Variants in PLEKHA5 observed in about 807,000 individuals in gnomAD.
PLEKHA5 encodes the protein pleckstrin homology domain containing A5.
Under a neutral mutation model 181.9 loss-of-function variants are expected in PLEKHA5, and 55 were observed. The observed-to-expected ratio is 0.30, with a 90% CI of 0.24 to 0.38. PLEKHA5 has a LOEUF of 0.38. PLEKHA5 is among the 10% of genes least tolerant of loss of function. The probability of loss-of-function intolerance (pLI) is 1.00; values close to 1 mark genes in which losing one functional copy is unlikely to be tolerated. For synonymous variants in PLEKHA5, 535 were observed against 529.4 expected (o/e 1.01, Z -0.15); for missense variants, 1,432 against 1,549.5 (o/e 0.92, Z 1.27).
intron 17 of PLEKHA5, 175 bp from the exon 18 acceptor site, chr12:19,320,387 G>C: frequency 2.2e-6 from 1 of 450,270 alleles, no homozygotes; most frequent in Non-Finnish European, 3.9e-6. Context: ...TCACTGTTAA[G>C]TATTTTCTAC....
chr12:19,365,903 AAAG>A, intron 29 of PLEKHA5, 58 bp from the exon 30 acceptor site: 7 of 1,223,588 alleles, frequency 5.7e-6, no homozygotes, highest in South Asian at 1.5e-5. Context: ...ATAACAAAAA[AAAG>A]AAAAATTAAT....
chr12:19,243,931 C>T (rs1460825249), intron 3 of PLEKHA5, among the ~76,000 whole-genome samples: 3 of 152,058 alleles, frequency 2.0e-5, no homozygotes, highest in Admixed American at 6.6e-5. Context: ...TCTATGCCAG[C>T]GTATTTTCAG....
intron 28 of PLEKHA5, 81 bp from the exon 29 acceptor site, chr12:19,361,501 T>G: frequency 1.3e-6 from 1 of 780,090 alleles, no homozygotes; most frequent in African/African-American, 1.8e-5. Context: ...TCAATAAACT[T>G]TATTTTGGAA....
chr12:19,221,466 G>C (rs1217586415), intron 3 of PLEKHA5, among the ~76,000 whole-genome samples: 1 of 152,168 alleles, frequency 6.6e-6, no homozygotes, highest in Non-Finnish European at 1.5e-5. Context: ...AAGACCAGGG[G>C]TTTAGGGGGT....
intron 2 of PLEKHA5, 105 bp from the exon 3 acceptor site, chr12:19,132,288 A>G: frequency 1.5e-6 from 1 of 683,090 alleles, no homozygotes; most frequent in Non-Finnish European, 2.6e-6. Flanking sequence ...TTAGTAATCT[A>G]CTTAATTAAA....
chr12:19,226,922 G>C (rs1419378326), intron 3 of PLEKHA5, among the ~76,000 whole-genome samples: 1 of 150,096 alleles, frequency 6.7e-6, no homozygotes, highest in Non-Finnish European at 1.5e-5. Context: ...ATTTAGAATT[G>C]GAGAATCTTT....
chr12:19,187,193 C>G (rs2050070057), intron 3 of PLEKHA5, among the ~76,000 whole-genome samples: 1 of 152,156 alleles, frequency 6.6e-6, no homozygotes, highest in African/African-American at 2.4e-5. Context: ...CTAGATCTGA[C>G]TTTTTGCACT....
intron 3 of PLEKHA5, among the ~76,000 whole-genome samples, chr12:19,172,939 T>C (rs1038499926): frequency 2.0e-5 from 3 of 148,102 alleles, no homozygotes; most frequent in African/African-American, 7.4e-5. Flanking sequence ...GTTTTGCATC[T>C]GAGCAATAGA....
intron 3 of PLEKHA5, among the ~76,000 whole-genome samples, chr12:19,253,516 G>A (rs1441346352): frequency 2.0e-5 from 3 of 151,960 alleles, no homozygotes; most frequent in Non-Finnish European, 4.4e-5. Flanking sequence ...GATATATTTA[G>A]GAATCTCAAA....
chr12:19,251,406 CAAAAA>C (rs35113109), intron 3 of PLEKHA5, among the ~76,000 whole-genome samples: 1 of 124,758 alleles, frequency 8.0e-6, no homozygotes, highest in Admixed American at 8.0e-5. Flanking sequence ...AACTCTGTCT[CAAAAA>C]AAAAAAAAAA....
intron 3 of PLEKHA5, chr12:19,154,720 A>G (rs1312960268): frequency 6.6e-6 from 1 of 152,224 alleles, no homozygotes; most frequent in Non-Finnish European, 1.5e-5. Context: ...TTTTAGATTT[A>G]AAAACTGGAA....
intron 3 of PLEKHA5, among the ~76,000 whole-genome samples, chr12:19,190,180 G>C (rs1443874220): frequency 6.6e-6 from 1 of 152,048 alleles, no homozygotes; most frequent in Non-Finnish European, 1.5e-5. Context: ...TTGTTAAAAA[G>C]TTTTAGGAAA....
chr12:19,340,945 T>TAAAAA (rs58915493), intron 21 of PLEKHA5, among the ~76,000 whole-genome samples: 25 of 62,398 alleles, frequency 4.0e-4, no homozygotes, highest in Admixed American at 8.6e-4. Flanking sequence ...GAATGATCAA[T>TAAAAA]AAAAAAAAAA....
intron 22 of PLEKHA5, among the ~76,000 whole-genome samples, chr12:19,344,254 A>G (rs1450803988): frequency 4.6e-5 from 7 of 152,156 alleles, no homozygotes; most frequent in Non-Finnish European, 1.0e-4. Context: ...GCACAGGTTT[A>G]TAAAGTAAAA....
intron 3 of PLEKHA5, among the ~76,000 whole-genome samples, chr12:19,239,845 G>T (rs147647470): frequency 1.2e-4 from 18 of 152,208 alleles, no homozygotes; most frequent in Non-Finnish European, 2.2e-4. Context: ...TTCTAAGCAA[G>T]ATCAATCCCT....
At chr12:19,304,171 C>T (rs1222942307) in intron 15 of PLEKHA5, among the ~76,000 whole-genome samples, 1 of 152,036 alleles carries the variant, frequency 6.6e-6, no homozygotes, top group Non-Finnish European at 1.5e-5. Context: ...CCTGTAATCC[C>T]AACACTTTGG....
chr12:19,362,494 A>C (rs1395401666), intron 29 of PLEKHA5, among the ~76,000 whole-genome samples: 1 of 152,056 alleles, frequency 6.6e-6, no homozygotes, highest in African/African-American at 2.4e-5. Context: ...AGATCACACC[A>C]CTACACTCCA....
At chr12:19,276,520 A>T (rs1035158820) in intron 11 of PLEKHA5, among the ~76,000 whole-genome samples, 5 of 152,264 alleles carry the variant, frequency 3.3e-5, no homozygotes, top group Non-Finnish European at 7.4e-5. Context: ...GTGAAACCCC[A>T]TGTCTACTAA....
chr12:19,256,427 A>G (rs989927700), intron 5 of PLEKHA5, among the ~76,000 whole-genome samples: 3 of 152,218 alleles, frequency 2.0e-5, no homozygotes, highest in Admixed American at 2.0e-4. Flanking sequence ...AGGCACACAC[A>G]TACAGTGATA....
Sources: gnomAD v4.1 joint callset for allele counts (sites outside exome capture counted in the v4.1 genomes callset) on GRCh38, gnomAD v4.1.1 for gene constraint, MANE v1.5 for transcripts, NCBI Gene and HGNC (gene_info 2026-07-23, HGNC 2026-07-21) for gene names.